Variants in IL17D observed in about 807,000 individuals in gnomAD.
IL17D encodes the protein interleukin 17D.
Under a neutral mutation model 5.7 loss-of-function variants are expected in IL17D, and 10 were observed. The ratio of observed to expected loss-of-function variants is 1.75; its 90% CI spans 1.08 to 2.97. The LOEUF (loss-of-function observed/expected upper bound fraction) is 2.97. Ranked by LOEUF, IL17D falls within the 30% of genes most tolerant of loss-of-function variation. The pLI, the probability that IL17D is intolerant of heterozygous loss-of-function variation, is 0.00. For synonymous variants in IL17D, 172 were observed against 141.7 expected, an observed-to-expected ratio of 1.21 and a Z score of -1.52; for missense variants, 354 against 292.7, an observed-to-expected ratio of 1.21 and a Z score of -1.53.
chr13:20,703,193 C>T (rs1230378802), upstream of IL17D: 2 of 819,836 alleles, frequency 2.4e-6, no homozygotes, highest in East Asian at 1.2e-4. Flanking sequence ...GGCGCCCCGC[C>T]GCATGCTCGC....
intron 1 of IL17D, among the ~76,000 whole-genome samples, chr13:20,720,792 C>T (rs2058725295): frequency 6.6e-6 from 1 of 152,082 alleles, no homozygotes; most frequent in African/African-American, 2.4e-5. Context: ...TGGGTGCAGT[C>T]CTGTGTCAGT....
Position 20,721,786 on chromosome 13 carries a change from C to G in IL17D, c.441C>G (p.Pro147=), listed in dbSNP as rs1326468677. The part of the protein sequence containing the change: ...YMPTVVLRRT[P]ACAGGRSVYT... Reference sequence around the variant, plus strand: ...CCACCGTCGTCCTGCGCCGCACCCCCGCCTGCGCCGGCGGCCGTTCCGTCT... The same window carrying G: ...CCACCGTCGTCCTGCGCCGCACCCCGGCCTGCGCCGGCGGCCGTTCCGTCT... Residue 147 remains proline (P), a synonymous_variant, in exon 2 of 2, where the codon CCC becomes CCG. Coordinates refer to ENST00000682841, the MANE Select transcript of IL17D (RefSeq NM_001385224.1). 1.2e-6 allele frequency: 2 copies of G among 1,609,696 alleles called. No homozygotes were observed. The highest frequency in any genetic ancestry group is 2.7e-5 in the African/African-American group (2 of 75,018).
At chr13:20,704,994 T>A (rs1250423110) in intron 1 of IL17D, among the ~76,000 whole-genome samples, 10 of 152,090 alleles carry the variant, frequency 6.6e-5, no homozygotes, top group Admixed American at 6.5e-4. Context: ...AGTATTTTGG[T>A]CTTGGAACAG....
At chr13:20,702,092 C>A (rs1207388432), upstream of IL17D, 2 of 152,172 alleles carry the variant, frequency 1.3e-5, no homozygotes, top group Non-Finnish European at 2.9e-5. Context: ...AAAAGCCTCC[C>A]ACGCTTCCTT....
Position 20,704,156 on chromosome 13 carries a change from G to T in IL17D, c.155G>T (p.Ser52Ile). The T allele has an allele frequency of 7.3e-7, 1 of 1,368,700 alleles. No homozygotes were observed. Among genetic ancestry groups the T allele is most frequent in the Non-Finnish European group, 9.5e-7 (1 of 1,052,646 alleles). The allele number at this position is 1,368,700 out of a possible 1,614,324, so 84.8% of individuals were successfully genotyped here. A position where few individuals can be genotyped will look rare whatever the true frequency, so the allele number is the denominator to read the frequency against. ...LYGRLAAGVL[S>I]AFHHTLQLGP... is the part of the protein sequence containing the mutation. ...GGGCGCCTGGCGGCCGGCGTGCTCA[G>T]TGCCTTCCACCACACGCTGCAGCTG... The change falls in exon 1 of 2, where the codon AGT becomes ATT. Residue 52 changes from serine to isoleucine, a missense_variant. Ser to Ile is a moderately radical substitution (Grantham distance 142). Coordinates refer to ENST00000682841, the MANE Select transcript of IL17D (RefSeq NM_001385224.1).
chr13:20,715,942 A>G (rs1176808925), intron 1 of IL17D: 1 of 160,344 alleles, frequency 6.2e-6, no homozygotes, highest in East Asian at 1.9e-4. Context: ...GTAGAGATAG[A>G]GTCTCACTGT....
rs1463123456 is a variant in IL17D, at chr13:20,721,666, G to A, written c.321G>A (p.Arg107=). 2.5e-6 allele frequency: 4 copies of A among 1,607,160 alleles called. No homozygotes were observed. Among genetic ancestry groups the A allele is most frequent in the African/African-American group, 1.3e-5 (1 of 74,786 alleles). ...CCTACGACCCGGCGAGGTACCCCAGGTACCTGCCTGAAGCCTACTGCCTGT... is the reference window on the plus strand; with the variant it reads ...CCTACGACCCGGCGAGGTACCCCAGATACCTGCCTGAAGCCTACTGCCTGT... ...RISYDPARYP[R]YLPEAYCLCR... is the part of the protein sequence containing the mutation. The change falls in exon 2 of 2, where the codon AGG becomes AGA. Residue 107 remains arginine, a synonymous_variant. Transcript: ENST00000682841.
At chr13:20,701,735 G>A (rs1188926268), upstream of IL17D, 1 of 152,130 alleles carries the variant, frequency 6.6e-6, no homozygotes, top group Non-Finnish European at 1.5e-5. Flanking sequence ...TCACAAATAT[G>A]TTGAAATTTG....
chr13:20,721,324 C>A (rs1308234115), intron 1 of IL17D, among the ~76,000 whole-genome samples: 2 of 152,224 alleles, frequency 1.3e-5, no homozygotes, highest in Non-Finnish European at 2.9e-5. Context: ...GCAGACAGGG[C>A]GCCTCATTCT....
In IL17D at chr13:20,722,668, G is replaced by T. The variant is rs559349145; in HGVS notation, c.*714G>T. The T allele has an allele frequency of 3.6e-4, 55 of 152,304 alleles. No individual in the cohort carries two copies. The highest frequency in any genetic ancestry group is 1.2e-3 in the African/African-American group (50 of 41,550). The allele number at this position is 152,304 out of a possible 1,614,324, so 9.4% of individuals were successfully genotyped here. ...TCACGGGCCTCCAGGTGGACCAAAG[G>T]GATGCACAGGCGGCTCGCATGCCCC... On this transcript the variant is annotated 3_prime_UTR_variant, in exon 2 of 2. Coordinates refer to ENST00000682841, the MANE Select transcript of IL17D (RefSeq NM_001385224.1).
At position 20,718,575 on chromosome 13, in the gene IL17D, T is replaced by TCA. The variant is rs2058699464; in HGVS notation, c.291-3057_291-3056dup. Reference sequence around the variant, plus strand: ...CACACCCACACATACCTGCCCATGCTCACACCTGCCCCCACACACCTGCCC... The same window carrying TCA: ...CACACCCACACATACCTGCCCATGCTCACACACCTGCCCCCACACACCTGCCC... On this transcript the variant is annotated intron_variant, in intron 1 of 1. Transcript: ENST00000682841. 3.2e-5 allele frequency among the ~76,000 whole-genome samples: 3 copies of TCA among 94,750 alleles called. No individual in the cohort carries two copies. The Admixed American group carries it at 4.1e-4, about 13-fold the overall frequency. The allele number at this position is 94,750 out of a possible 152,430, so 62.2% of individuals were successfully genotyped here. A position where few individuals can be genotyped will look rare whatever the true frequency, so the allele number is the denominator to read the frequency against.
chr13:20,704,206 G>A lies in IL17D; in HGVS notation c.205G>A (p.Ala69Thr). 7.3e-7 allele frequency: 1 copy of A among 1,371,676 alleles called. No homozygotes were observed. The highest frequency in any genetic ancestry group is 9.5e-7 in the Non-Finnish European group (1 of 1,057,414). 85.0% of individuals were successfully genotyped at this position (1,371,676 alleles called of 1,614,324 possible). The stretch of plus-strand genomic sequence containing the variant: ...GGGGCCGCGTGAGCAGGCGCGCAAC[G>A]CGAGCTGCCCGGCAGGGGGCAGGCC... Reference protein sequence around the residue: ...QLGPREQARNASCPAGGRPAD... With the variant: ...QLGPREQARNTSCPAGGRPAD... Residue 69 changes from alanine to threonine, a missense_variant, in exon 1 of 2, where the codon GCG becomes ACG. Physicochemically the swap from Ala to Thr is moderately conservative, Grantham distance 58. Transcript: ENST00000682841.
intron 1 of IL17D, among the ~76,000 whole-genome samples, chr13:20,712,142 C>G (rs2141388924): frequency 6.6e-6 from 1 of 152,360 alleles, no homozygotes; most frequent in South Asian, 2.1e-4. Context: ...AACCACAGAC[C>G]CTGACACTCC....
At chr13:20,721,096 T>C (rs1244161085) in intron 1 of IL17D, among the ~76,000 whole-genome samples, 1 of 152,100 alleles carries the variant, frequency 6.6e-6, no homozygotes, top group Non-Finnish European at 1.5e-5. Flanking sequence ...ATCTCCCTGA[T>C]GGAGAAAGCT....
At chr13:20,703,329 A>C (rs1351331846), upstream of IL17D, 2 of 985,920 alleles carry the variant, frequency 2.0e-6, no homozygotes, top group Admixed American at 1.2e-4. Context: ...TGGTGAGTAC[A>C]CTGCACAAGT....
At chr13:20,708,775 G>C (rs902231528) in intron 1 of IL17D, among the ~76,000 whole-genome samples, 35 of 148,904 alleles carry the variant, frequency 2.4e-4, no homozygotes, top group African/African-American at 8.7e-4. Flanking sequence ...CGAGGCAGGA[G>C]GATCATGAGG....
At chr13:20,708,983 G>GA (rs1166566579) in intron 1 of IL17D, among the ~76,000 whole-genome samples, 18 of 132,344 alleles carry the variant, frequency 1.4e-4, no homozygotes, top group Admixed American at 6.1e-4. Flanking sequence ...AAAAAAGAAA[G>GA]AAAGAAAAGA....
chr13:20,720,254 C>T (rs1379842299), intron 1 of IL17D, among the ~76,000 whole-genome samples: 1 of 152,180 alleles, frequency 6.6e-6, no homozygotes, highest in African/African-American at 2.4e-5. Flanking sequence ...TCTTATTTAA[C>T]CACCATCTAT....
Position 20,721,631 on chromosome 13 carries a change from T to A in IL17D, c.291-5T>A. The A allele has an allele frequency of 6.3e-7, 1 of 1,587,438 alleles. No individual in the cohort carries two copies. Among genetic ancestry groups the A allele is most frequent in the Non-Finnish European group, 8.6e-7 (1 of 1,164,308 alleles). On this transcript the variant is annotated splice_polypyrimidine_tract_variant and splice_region_variant and intron_variant, in intron 1 of 1. Coordinates refer to ENST00000682841, the MANE Select transcript of IL17D (RefSeq NM_001385224.1). Reference sequence around the variant, plus strand: ...CGTGACCTCACCCGTGCTCTCTCCCTGCAGAATCTCCTACGACCCGGCGAG... The same window carrying A: ...CGTGACCTCACCCGTGCTCTCTCCCAGCAGAATCTCCTACGACCCGGCGAG...
Sources: allele counts gnomAD v4.1 joint callset (sites outside exome capture counted in the v4.1 genomes callset), GRCh38; gene constraint gnomAD v4.1.1; transcripts MANE v1.5; gene names NCBI Gene and HGNC (gene_info 2026-07-23, HGNC 2026-07-21).